The following SPAG17 variants were observed in gnomAD, a reference collection of about 807,000 sequenced individuals.
The protein encoded by SPAG17 is sperm associated antigen 17.
Under a neutral mutation model 273.6 loss-of-function variants are expected in SPAG17, and 169 were observed. The observed-to-expected ratio is 0.62, with a 90% CI of 0.55 to 0.70. The LOEUF (loss-of-function observed/expected upper bound fraction) is 0.70, where lower values mean the gene tolerates loss of function less well. Ranked by LOEUF, SPAG17 falls within the 30% of genes least tolerant of loss-of-function variation. The pLI, the probability that SPAG17 is intolerant of heterozygous loss-of-function variation, is 0.00. For synonymous variants in SPAG17, 825 were observed against 873.2 expected, an observed-to-expected ratio of 0.94 and a Z score of 0.97; for missense variants, 2,557 against 2,627.8, an observed-to-expected ratio of 0.97 and a Z score of 0.59.
chr1:118,052,441 A>G (rs1651164321), intron 20 of SPAG17, among the ~76,000 whole-genome samples: 1 of 151,782 alleles, frequency 6.6e-6, no homozygotes, highest in Non-Finnish European at 1.5e-5. Flanking sequence ...GTGAAATTTC[A>G]ATTAGACAGG....
chr1:117,997,406 C>A (rs1269758681), intron 32 of SPAG17, among the ~76,000 whole-genome samples: 1 of 151,706 alleles, frequency 6.6e-6, no homozygotes, highest in Non-Finnish European at 1.5e-5. Flanking sequence ...TGAACTCATG[C>A]TGTGAAGAGT....
intron 1 of SPAG17, among the ~76,000 whole-genome samples, chr1:118,176,500 A>G (rs1660704431): frequency 6.6e-6 from 1 of 152,226 alleles, no homozygotes; most frequent in African/African-American, 2.4e-5. Flanking sequence ...ATGTCAATTC[A>G]ACAAGAAAAT....
At chr1:118,058,444 C>A (rs987295576) in intron 18 of SPAG17, among the ~76,000 whole-genome samples, 2 of 152,134 alleles carry the variant, frequency 1.3e-5, no homozygotes, top group South Asian at 4.1e-4. Flanking sequence ...TGTTCTCAAG[C>A]GAGCCTCCTG....
At chr1:118,077,665 G>A (rs574334784) in intron 15 of SPAG17, among the ~76,000 whole-genome samples, 3 of 152,186 alleles carry the variant, frequency 2.0e-5, no homozygotes, top group African/African-American at 4.8e-5. Context: ...ATACACTATC[G>A]CCATAAGAAC....
chr1:118,033,504 C>T (rs918737769), intron 24 of SPAG17, among the ~76,000 whole-genome samples: 1 of 152,192 alleles, frequency 6.6e-6, no homozygotes, highest in Non-Finnish European at 1.5e-5. Flanking sequence ...CCCATAATTG[C>T]TTGCTGGGTC....
At position 118,039,385 on chromosome 1, in the gene SPAG17, T is replaced by C; in HGVS notation, c.3226A>G (p.Asn1076Asp). Reference sequence around the variant, plus strand: ...TTTTTCACAATTTCCTTAGGGTCATTTAAATGAATCATAAAATTGTGGTTG... The same window carrying C: ...TTTTTCACAATTTCCTTAGGGTCATCTAAATGAATCATAAAATTGTGGTTG... Reference protein sequence around the residue: ...KDNHNFMIHLNDPKEIVKKEE... With the variant: ...KDNHNFMIHLDDPKEIVKKEE... The change falls in exon 23 of 49, where the codon AAT becomes GAT. Residue 1076 changes from asparagine to aspartate, a missense_variant. Transcript: ENST00000336338. The C allele has an allele frequency of 6.2e-7, 1 of 1,613,496 alleles. No homozygotes were observed. The highest frequency in any genetic ancestry group is 8.5e-7 in the Non-Finnish European group (1 of 1,179,656).
In SPAG17 at chr1:118,041,960, G is replaced by C; in HGVS notation, c.2897C>G (p.Ala966Gly). 1 of 1,613,720 alleles carries C rather than the reference G, an allele frequency of 6.2e-7. No homozygotes were observed. The highest frequency in any genetic ancestry group is 8.5e-7 in the Non-Finnish European group (1 of 1,179,818). ...EKKAEKKGKE[A>G]GKKKGKDNAE... ...GTTATCCTTGCCTTTCTTTTTACCAGCTTCTTTACCCTTCTTCTCTGCTTT... is the reference window on the plus strand; with the variant it reads ...GTTATCCTTGCCTTTCTTTTTACCACCTTCTTTACCCTTCTTCTCTGCTTT... The change falls in exon 21 of 49, where the codon GCT (alanine) becomes GGT (glycine). Residue 966 changes from alanine to glycine, a missense_variant. Coordinates refer to ENST00000336338, the MANE Select transcript of SPAG17 (RefSeq NM_206996.4).
At chr1:118,108,436 G>A (rs968205885) in intron 4 of SPAG17, among the ~76,000 whole-genome samples, 1 of 152,116 alleles carries the variant, frequency 6.6e-6, no homozygotes, top group Non-Finnish European at 1.5e-5. Context: ...ACCAGATCAG[G>A]CGCATTCAGC....
At chr1:118,104,337 G>A (rs1396088782) in intron 4 of SPAG17, among the ~76,000 whole-genome samples, 1 of 152,198 alleles carries the variant, frequency 6.6e-6, no homozygotes, top group Admixed American at 6.5e-5. Flanking sequence ...CACAGAGATA[G>A]AGAAGACTGG....
At chr1:117,992,435 C>A in intron 36 of SPAG17, 31 bp downstream of exon 36, 1 of 1,543,868 alleles carries the variant, frequency 6.5e-7, no homozygotes, top group Non-Finnish European at 8.7e-7. Flanking sequence ...GTTTCTGATT[C>A]TTTTGGGTCA....
intron 1 of SPAG17, among the ~76,000 whole-genome samples, chr1:118,171,632 T>A (rs995419848): frequency 6.6e-6 from 1 of 152,206 alleles, no homozygotes; most frequent in Admixed American, 6.5e-5. Flanking sequence ...CTTTTCATAC[T>A]TATTTATTGG....
intron 15 of SPAG17, among the ~76,000 whole-genome samples, chr1:118,075,444 A>G (rs1653996472): frequency 6.6e-6 from 1 of 152,236 alleles, no homozygotes; most frequent in Non-Finnish European, 1.5e-5. Flanking sequence ...ATGATAAATA[A>G]GTTTAACATA....
intron 17 of SPAG17, among the ~76,000 whole-genome samples, chr1:118,068,528 T>G (rs1036828890): frequency 2.0e-5 from 3 of 152,194 alleles, no homozygotes; most frequent in African/African-American, 7.2e-5. Flanking sequence ...TTGGGGGTGC[T>G]AAAAATACAG....
Position 118,005,408 on chromosome 1 carries a change from C to T in SPAG17, c.4776+6G>A. 1 of 1,599,166 alleles carries T rather than the reference C, an allele frequency of 6.3e-7. No homozygotes were observed. The highest frequency in any genetic ancestry group is 8.5e-7 in the Non-Finnish European group (1 of 1,173,248). Reference sequence around the variant, plus strand: ...GCTCTCTCTCCATACCAAAGGTGCACTTTACCTGAAAAGTGTTTCCCTCAG... The same window carrying T: ...GCTCTCTCTCCATACCAAAGGTGCATTTTACCTGAAAAGTGTTTCCCTCAG... On this transcript the variant is annotated splice_donor_region_variant and intron_variant, in intron 32 of 48. Coordinates refer to ENST00000336338, the MANE Select transcript of SPAG17 (RefSeq NM_206996.4).
intron 25 of SPAG17, among the ~76,000 whole-genome samples, chr1:118,028,841 A>G (rs1462812579): frequency 6.6e-6 from 1 of 152,138 alleles, no homozygotes; most frequent in African/African-American, 2.4e-5. Flanking sequence ...GAAAGTGATT[A>G]AGTCATGAGG....
intron 3 of SPAG17, among the ~76,000 whole-genome samples, chr1:118,136,166 T>C (rs1410096456): frequency 1.3e-5 from 2 of 152,196 alleles, no homozygotes; most frequent in African/African-American, 2.4e-5. Flanking sequence ...CATTCTTAAA[T>C]TCTTTTTAGG....
intron 18 of SPAG17, among the ~76,000 whole-genome samples, chr1:118,058,700 C>T (rs1253653188): frequency 6.6e-6 from 1 of 152,062 alleles, no homozygotes; most frequent in Non-Finnish European, 1.5e-5. Context: ...TTAGTTTAAC[C>T]CCAGTAATCA....
In SPAG17 at chr1:118,085,904, A is replaced by G; in HGVS notation, c.1762+18T>C. 1 of 1,573,980 alleles carries G rather than the reference A, an allele frequency of 6.4e-7. No individual in the cohort carries two copies. The highest frequency in any genetic ancestry group is 8.6e-7 in the Non-Finnish European group (1 of 1,165,074). On this transcript the variant is annotated intron_variant, in intron 13 of 48. Coordinates refer to ENST00000336338, the MANE Select transcript of SPAG17 (RefSeq NM_206996.4). The stretch of plus-strand genomic sequence containing the variant: ...TTAATTAAATTGAGTTTAAGCTAAG[A>G]CAAAGCAATGGACTCACCACTCGTA...
chr1:118,071,096 A>C (rs552586111), intron 17 of SPAG17, among the ~76,000 whole-genome samples: 16 of 152,174 alleles, frequency 1.1e-4, no homozygotes, highest in African/African-American at 3.6e-4. Flanking sequence ...TCTCCTATGG[A>C]AATCTCCCAG....
Sources: gnomAD v4.1 joint callset for allele counts (sites outside exome capture counted in the v4.1 genomes callset) on GRCh38, gnomAD v4.1.1 for gene constraint, MANE v1.5 for transcripts, NCBI Gene and HGNC (gene_info 2026-07-23, HGNC 2026-07-21) for gene names.